AFF3: variants seen among roughly 807,000 people sequenced by gnomAD.
AFF3 encodes AF4/FMR2 family member 3.
AFF3 carries 32 observed loss-of-function variants against 129.7 expected under a neutral mutation model. That is an observed-to-expected ratio of 0.25 (90% CI 0.19 to 0.33). The LOEUF is 0.33. Among genes scored for constraint, AFF3 ranks in the 10% least tolerant of loss-of-function variants. The probability of loss-of-function intolerance (pLI) is 1.00; values close to 1 mark genes in which losing one functional copy is unlikely to be tolerated. For missense variants in AFF3, 1,373 were observed against 1,592.0 expected, an observed-to-expected ratio of 0.86 and a Z score of 2.34; for synonymous variants, 644 against 635.4, an observed-to-expected ratio of 1.01 and a Z score of -0.20.
chr2:99,553,917 C>CAAAAAAAAAAAAAAA (rs1674649199), intron 24 of AFF3, among the ~76,000 whole-genome samples: 15 of 72,456 alleles, frequency 2.1e-4, no homozygotes, highest in South Asian at 4.0e-4. Flanking sequence ...CTGTCTCAAA[C>CAAAAAAAAAAAAAAA]CAAAAAAAAA....
chr2:100,049,825 C>T (rs1345942433), intron 4 of AFF3, among the ~76,000 whole-genome samples: 1 of 152,154 alleles, frequency 6.6e-6, no homozygotes, highest in Non-Finnish European at 1.5e-5. Flanking sequence ...ACTAGGAGTA[C>T]TCCTCATACA....
chr2:100,012,106 G>A (rs768436534), intron 4 of AFF3, among the ~76,000 whole-genome samples: 19 of 152,030 alleles, frequency 1.2e-4, no homozygotes, highest in Non-Finnish European at 2.6e-4. Context: ...ACACCCTCAG[G>A]ACCACTTACT....
chr2:99,561,219 C>A (rs1326854106), intron 20 of AFF3, among the ~76,000 whole-genome samples: 1 of 152,212 alleles, frequency 6.6e-6, no homozygotes, highest in Non-Finnish European at 1.5e-5. Flanking sequence ...CTAATACTGC[C>A]AATCACATAA....
intron 11 of AFF3, among the ~76,000 whole-genome samples, chr2:99,675,244 A>ACTT (rs1687502870): frequency 2.6e-5 from 4 of 152,372 alleles, no homozygotes; most frequent in African/African-American, 4.8e-5. Context: ...AGACTTCAAG[A>ACTT]GAAGTTCAAA....
intron 4 of AFF3, among the ~76,000 whole-genome samples, chr2:100,079,346 A>C (rs189749840): frequency 6.6e-6 from 1 of 152,316 alleles, no homozygotes; most frequent in Non-Finnish European, 1.5e-5. Context: ...ATTAAGTTTT[A>C]CTTACACAGT....
intron 8 of AFF3, among the ~76,000 whole-genome samples, chr2:99,800,581 A>C (rs1156722759): frequency 6.6e-6 from 1 of 152,210 alleles, no homozygotes; most frequent in East Asian, 1.9e-4. Flanking sequence ...CCCAGAGAAG[A>C]GAAAGCACAA....
chr2:99,604,103 C>A (rs781595247), intron 13 of AFF3, among the ~76,000 whole-genome samples: 1 of 152,108 alleles, frequency 6.6e-6, no homozygotes, highest in Non-Finnish European at 1.5e-5. Flanking sequence ...ATCACTCAAC[C>A]CAGCAATCCC....
At chr2:99,912,724 A>G (rs1007729028) in intron 7 of AFF3, among the ~76,000 whole-genome samples, 5 of 152,300 alleles carry the variant, frequency 3.3e-5, no homozygotes, top group African/African-American at 1.2e-4. Context: ...TAGGGAAACA[A>G]ATTCTTAGCT....
chr2:99,566,058 G>A (rs1165151595), intron 19 of AFF3, among the ~76,000 whole-genome samples: 1 of 152,104 alleles, frequency 6.6e-6, no homozygotes, highest in Non-Finnish European at 1.5e-5. Flanking sequence ...CTAGGCCTTG[G>A]TTATTATCTT....
At chr2:99,749,194 T>C (rs1681419536) in intron 9 of AFF3, among the ~76,000 whole-genome samples, 1 of 152,240 alleles carries the variant, frequency 6.6e-6, no homozygotes, top group African/African-American at 2.4e-5. Context: ...TGGTAACTAT[T>C]GATATATTAA....
At chr2:100,126,488 G>A (rs995994803) in intron 2 of AFF3, among the ~76,000 whole-genome samples, 1 of 152,146 alleles carries the variant, frequency 6.6e-6, no homozygotes, top group Non-Finnish European at 1.5e-5. Context: ...TTGGTGCTCT[G>A]GGAAGCTGAA....
At chr2:99,893,911 A>G (rs1245148158) in intron 7 of AFF3, among the ~76,000 whole-genome samples, 2 of 152,144 alleles carry the variant, frequency 1.3e-5, no homozygotes, top group Non-Finnish European at 2.9e-5. Context: ...CCACTTTCTA[A>G]GTTTTGAGGC....
At chr2:100,047,127 A>G (rs1442938301) in intron 4 of AFF3, among the ~76,000 whole-genome samples, 1 of 152,252 alleles carries the variant, frequency 6.6e-6, no homozygotes, top group Non-Finnish European at 1.5e-5. Context: ...CCCGACGGCC[A>G]CGTGGAGCCA....
At chr2:99,649,748 C>A (rs774157288) in intron 12 of AFF3, 82 bp from the exon 13 acceptor site, 9 of 1,510,296 alleles carry the variant, frequency 6.0e-6, no homozygotes, top group Non-Finnish European at 7.3e-6. Flanking sequence ...AAAAAAAAGA[C>A]CCCTGCATTA....
At chr2:99,830,377 C>T (rs974949438) in intron 8 of AFF3, among the ~76,000 whole-genome samples, 1 of 152,190 alleles carries the variant, frequency 6.6e-6, no homozygotes, top group Non-Finnish European at 1.5e-5. Context: ...ACTGCAGTTG[C>T]AGTGGTGGTG....
At chr2:99,639,329 G>A (rs1324355702) in intron 13 of AFF3, among the ~76,000 whole-genome samples, 7 of 152,182 alleles carry the variant, frequency 4.6e-5, no homozygotes, top group Non-Finnish European at 1.0e-4. Context: ...GTTTGTTCAC[G>A]TTAATGCAGT....
At chr2:99,889,418 T>C (rs2106068671) in intron 7 of AFF3, among the ~76,000 whole-genome samples, 1 of 152,374 alleles carries the variant, frequency 6.6e-6, no homozygotes, top group South Asian at 2.1e-4. Flanking sequence ...CAGAGGTACC[T>C]GTGCCATTGT....
At chr2:99,604,190 C>A (rs1015139662) in intron 13 of AFF3, among the ~76,000 whole-genome samples, 5 of 152,174 alleles carry the variant, frequency 3.3e-5, no homozygotes. Flanking sequence ...CACTGCAACA[C>A]TATTCACAAC....
intron 4 of AFF3, among the ~76,000 whole-genome samples, chr2:100,033,739 G>A (rs773341014): frequency 6.6e-6 from 1 of 152,028 alleles, no homozygotes; most frequent in Admixed American, 6.5e-5. Flanking sequence ...AGCCATATGG[G>A]CTAAGAATTC....
Sources: allele counts gnomAD v4.1 joint callset (sites outside exome capture counted in the v4.1 genomes callset), GRCh38; gene constraint gnomAD v4.1.1; transcripts MANE v1.5; gene names NCBI Gene and HGNC (gene_info 2026-07-23, HGNC 2026-07-21).